Variants in KIF26B observed in about 807,000 individuals in gnomAD.
KIF26B encodes the protein kinesin-like protein KIF26B.
A neutral mutation model predicts 151.2 loss-of-function variants in KIF26B; 63 were observed. The observed-to-expected ratio is 0.42, with a 90% CI of 0.34 to 0.51. The LOEUF is 0.51. Ranked by LOEUF, KIF26B falls within the 20% of genes least tolerant of loss-of-function variation. The pLI is 0.07. For synonymous variants in KIF26B, 1,357 were observed against 1,262.1 expected, an observed-to-expected ratio of 1.08 and a Z score of -1.59; for missense variants, 2,813 against 2,913.6, an observed-to-expected ratio of 0.97 and a Z score of 0.79.
At chr1:245,407,298 T>C (rs753122991) in intron 3 of KIF26B, among the ~76,000 whole-genome samples, 7 of 152,216 alleles carry the variant, frequency 4.6e-5, no homozygotes, top group African/African-American at 9.6e-5. Context: ...TGTATTCCTA[T>C]GATTACTTGC....
chr1:245,295,209 A>G (rs1558378853), intron 2 of KIF26B, among the ~76,000 whole-genome samples: 1 of 152,248 alleles, frequency 6.6e-6, no homozygotes, highest in Non-Finnish European at 1.5e-5. Flanking sequence ...TATACATCCT[A>G]GGGAAATGTT....
chr1:245,568,628 C>G (rs551113731), intron 5 of KIF26B, among the ~76,000 whole-genome samples: 1 of 152,176 alleles, frequency 6.6e-6, no homozygotes, highest in African/African-American at 2.4e-5. Context: ...ATTGCTGGTC[C>G]GAACCAGCAA....
At chr1:245,441,426 C>T (rs904076831) in intron 4 of KIF26B, among the ~76,000 whole-genome samples, 2 of 151,976 alleles carry the variant, frequency 1.3e-5, no homozygotes, top group African/African-American at 2.4e-5. Flanking sequence ...GCCACAACTA[C>T]AAAAAAGAGT....
Position 245,687,252 on chromosome 1 carries a change from C to T in KIF26B, c.4269C>T (p.Ser1423=). 6.2e-7 allele frequency: 1 copy of T among 1,612,548 alleles called. No individual in the cohort carries two copies. ...AAGCAGGCCCCACATTAGCCCAGTC[C>T]CGGGAGAGTAAGGAAAACAGTGCAA... ...TPKAGPTLAQ[S]RESKENSAKK... The change falls in exon 12 of 15, where the codon TCC becomes TCT. Residue 1423 remains serine, a synonymous_variant. Coordinates refer to ENST00000407071, the MANE Select transcript of KIF26B (RefSeq NM_018012.4). The surrounding 1 kb of genome is among the most constrained non-coding windows in gnomAD (Gnocchi z 4.9).
At chr1:245,303,551 C>T (rs1399621061) in intron 2 of KIF26B, among the ~76,000 whole-genome samples, 9 of 152,204 alleles carry the variant, frequency 5.9e-5, no homozygotes, top group Non-Finnish European at 1.3e-4. Flanking sequence ...AGTACATCAA[C>T]TTACATGATT....
At chr1:245,273,602 T>A (rs1298790864) in intron 2 of KIF26B, among the ~76,000 whole-genome samples, 1 of 152,194 alleles carries the variant, frequency 6.6e-6, no homozygotes, top group Non-Finnish European at 1.5e-5. Context: ...CACTCTTTTA[T>A]CATTAAATAA....
chr1:245,521,588 G>C (rs1661111790), intron 4 of KIF26B, among the ~76,000 whole-genome samples: 1 of 152,128 alleles, frequency 6.6e-6, no homozygotes, highest in African/African-American at 2.4e-5. Flanking sequence ...TGGCTGGGAA[G>C]ACTGGAAGGA....
At chr1:245,683,328 A>T (rs2044464499) in intron 10 of KIF26B, among the ~76,000 whole-genome samples, 1 of 152,178 alleles carries the variant, frequency 6.6e-6, no homozygotes, top group South Asian at 2.1e-4. Flanking sequence ...GCCCTTCAGG[A>T]TCAGGGAACG....
chr1:245,629,671 G>A (rs1035852442), intron 9 of KIF26B, among the ~76,000 whole-genome samples: 2 of 152,118 alleles, frequency 1.3e-5, no homozygotes, highest in African/African-American at 4.8e-5. Flanking sequence ...TACCAGCCAG[G>A]ACATAGGCAG....
chr1:245,558,746 C>A (rs530788289), intron 5 of KIF26B, among the ~76,000 whole-genome samples: 1 of 152,208 alleles, frequency 6.6e-6, no homozygotes, highest in African/African-American at 2.4e-5. Flanking sequence ...GACAACATAA[C>A]GTCGGGGAAA....
chr1:245,369,585 G>A (rs889193747), intron 3 of KIF26B, among the ~76,000 whole-genome samples: 1 of 152,204 alleles, frequency 6.6e-6, no homozygotes, highest in Non-Finnish European at 1.5e-5. Context: ...GGTAGGTGGG[G>A]CAGGTGTTAG....
intron 2 of KIF26B, among the ~76,000 whole-genome samples, chr1:245,351,161 T>G (rs548063025): frequency 3.4e-4 from 51 of 152,234 alleles, no homozygotes; most frequent in Non-Finnish European, 6.6e-4. Context: ...CCTGTCCGCA[T>G]GGAGGGTCTG....
rs767401290 is a variant in KIF26B, at chr1:245,686,004, T to TGTGCCCGCCGCG, written c.3023_3034dup (p.Val1008_Ala1011dup). ...CCAAGATGCAGAGGAGTCACTCACCTGTGCCCGCCGCGGCACCCGCCCACA... is the reference window on the plus strand; with the variant it reads ...CCAAGATGCAGAGGAGTCACTCACCTGTGCCCGCCGCGGTGCCCGCCGCGGCACCCGCCCACA... On this transcript the variant is annotated inframe_insertion, in exon 12 of 15. Transcript: ENST00000407071. The surrounding 1 kb of genome is among the most constrained non-coding windows in gnomAD (Gnocchi z 5.6). The TGTGCCCGCCGCG allele has an allele frequency of 2.5e-6, 4 of 1,586,910 alleles. 1 individual carries two copies. Among genetic ancestry groups the TGTGCCCGCCGCG allele is most frequent in the South Asian group, 2.3e-5 (2 of 88,092 alleles).
At position 245,367,130 on chromosome 1, in the gene KIF26B, C is replaced by G. The variant is rs754927295; in HGVS notation, c.762C>G (p.Thr254=). 2.5e-6 allele frequency: 4 copies of G among 1,598,914 alleles called. No homozygotes were observed. Among genetic ancestry groups the G allele is most frequent in the South Asian group, 1.1e-5 (1 of 88,546 alleles). The change falls in exon 3 of 15, where the codon ACC becomes ACG. Residue 254 remains threonine (T), a synonymous_variant. Coordinates refer to ENST00000407071, the MANE Select transcript of KIF26B (RefSeq NM_018012.4). This position sits in a 1 kb window ranked among gnomAD's most constrained non-coding sequence, Gnocchi z 4.2. ...CCTTTGTGCCCGCCCCCTGTGCCAC[C>G]TCCAACTACACAGGCTTCGCCAACA... ...DWAFVPAPCA[T]SNYTGFANKH...
intron 4 of KIF26B, among the ~76,000 whole-genome samples, chr1:245,501,109 G>C (rs546649706): frequency 2.2e-4 from 34 of 152,262 alleles, no homozygotes; most frequent in African/African-American, 7.9e-4. Context: ...TCCCCATTTC[G>C]TGGACAGAAC....
intron 3 of KIF26B, among the ~76,000 whole-genome samples, chr1:245,405,954 G>A (rs558487514): frequency 6.6e-6 from 1 of 152,124 alleles, no homozygotes; most frequent in South Asian, 2.1e-4. Flanking sequence ...TGACAGTTTG[G>A]GAATTTTTTC....
At chr1:245,361,451 A>G (rs1343860899) in intron 2 of KIF26B, among the ~76,000 whole-genome samples, 1 of 152,158 alleles carries the variant, frequency 6.6e-6, no homozygotes, top group African/African-American at 2.4e-5. Context: ...TCACGCCTTT[A>G]CATTCAGCGT....
At chr1:245,489,174 T>G (rs1660345578) in intron 4 of KIF26B, among the ~76,000 whole-genome samples, 1 of 152,232 alleles carries the variant, frequency 6.6e-6, no homozygotes, top group African/African-American at 2.4e-5. Flanking sequence ...GCGCTCATCA[T>G]AAAGCAGTCC....
intron 2 of KIF26B, among the ~76,000 whole-genome samples, chr1:245,313,070 A>G (rs1671694376): frequency 6.6e-6 from 1 of 152,142 alleles, no homozygotes; most frequent in Non-Finnish European, 1.5e-5. Context: ...GAGGCAGGAG[A>G]ATCGCTTGAA....
Sources: gnomAD v4.1 joint callset for allele counts (sites outside exome capture counted in the v4.1 genomes callset) on GRCh38, gnomAD v4.1.1 for gene constraint, Gnocchi (gnomAD v3.1) non-coding constraint, MANE v1.5 for transcripts, NCBI Gene and HGNC (gene_info 2026-07-23, HGNC 2026-07-21) for gene names.